The following UVRAG variants were observed in gnomAD, a reference collection of about 807,000 sequenced individuals.
The protein encoded by UVRAG is UV radiation resistance associated.
UVRAG carries 19 observed loss-of-function variants against 78.0 expected under a neutral mutation model. The ratio of observed to expected loss-of-function variants is 0.24; its 90% CI spans 0.17 to 0.36. The LOEUF is 0.36. Ranked by LOEUF, UVRAG falls within the 10% of genes least tolerant of loss-of-function variation. The pLI is 1.00. For missense variants in UVRAG, 740 were observed against 853.8 expected (o/e 0.87, Z 1.66); for synonymous variants, 323 against 324.6 (o/e 1.00, Z 0.05).
At chr11:75,836,507 C>T (rs1296703736) in intron 1 of UVRAG, among the ~76,000 whole-genome samples, 1 of 152,194 alleles carries the variant, frequency 6.6e-6, no homozygotes, top group Non-Finnish European at 1.5e-5. Context: ...CTTTGCATTT[C>T]AAACTTCCCA....
At chr11:75,916,961 G>C (rs1165057924) in intron 6 of UVRAG, among the ~76,000 whole-genome samples, 1 of 152,186 alleles carries the variant, frequency 6.6e-6, no homozygotes, top group Non-Finnish European at 1.5e-5. Flanking sequence ...TAGATTTTAT[G>C]ATAGTGATGT....
At position 76,087,781 on chromosome 11, in the gene UVRAG, A is replaced by G. The variant is rs1259072199; in HGVS notation, c.1305+21993A>G. 2.6e-5 allele frequency among the ~76,000 whole-genome samples: 4 copies of G among 152,344 alleles called. No homozygotes were observed. In the East Asian group the frequency reaches 5.8e-4, roughly 22 times the overall value. On this transcript the variant is annotated intron_variant, in intron 13 of 14. Transcript: ENST00000356136. ...AGTAAAGAGGTTTAGTAATTTACCC[A>G]TGGTTACTACAGCGGGCCTGATTGT... is the stretch of plus-strand genomic sequence containing the variant.
At chr11:75,908,831 G>A (rs1328863692) in intron 5 of UVRAG, among the ~76,000 whole-genome samples, 1 of 147,752 alleles carries the variant, frequency 6.8e-6, no homozygotes, top group Admixed American at 6.8e-5. Flanking sequence ...ATTTTTGGTA[G>A]TTTCTGTTTC....
chr11:76,098,136 A>C (rs960702835), intron 13 of UVRAG, among the ~76,000 whole-genome samples: 1 of 152,156 alleles, frequency 6.6e-6, no homozygotes, highest in Non-Finnish European at 1.5e-5. Flanking sequence ...AGCAACATAT[A>C]GTCTTAACTG....
At chr11:76,082,224 T>C (rs1395444840) in intron 13 of UVRAG, among the ~76,000 whole-genome samples, 1 of 152,126 alleles carries the variant, frequency 6.6e-6, no homozygotes. Flanking sequence ...TTTTTCTATA[T>C]GCATATTATA....
chr11:76,081,669 T>C (rs1368845165), intron 13 of UVRAG, among the ~76,000 whole-genome samples: 2 of 151,986 alleles, frequency 1.3e-5, no homozygotes, highest in African/African-American at 4.8e-5. Flanking sequence ...ATAAACCGGT[T>C]ACTCTTAAAT....
chr11:76,130,670 G>C (rs1952497348), intron 14 of UVRAG, among the ~76,000 whole-genome samples: 1 of 152,194 alleles, frequency 6.6e-6, no homozygotes, highest in Non-Finnish European at 1.5e-5. Context: ...AACCCTCACA[G>C]TTTGGTTCAG....
At chr11:75,893,453 A>G (rs1463431797) in intron 5 of UVRAG, among the ~76,000 whole-genome samples, 1 of 152,052 alleles carries the variant, frequency 6.6e-6, no homozygotes, top group Admixed American at 6.5e-5. Context: ...AACTTTAAGA[A>G]TAATCCTAAA....
intron 7 of UVRAG, among the ~76,000 whole-genome samples, chr11:75,980,358 G>A (rs1949365243): frequency 6.6e-6 from 1 of 152,174 alleles, no homozygotes; most frequent in South Asian, 2.1e-4. Flanking sequence ...TATGGATGGG[G>A]TTTCACTGTA....
intron 6 of UVRAG, among the ~76,000 whole-genome samples, chr11:75,939,220 G>A (rs1361403496): frequency 6.6e-6 from 1 of 151,916 alleles, no homozygotes. Flanking sequence ...GTATCTTCAG[G>A]GTAAAAAATG....
intron 12 of UVRAG, among the ~76,000 whole-genome samples, chr11:76,025,430 T>C (rs1950310545): frequency 6.6e-6 from 1 of 152,168 alleles, no homozygotes. Flanking sequence ...CCTTAAAAGA[T>C]GTCTGAAGTT....
intron 6 of UVRAG, among the ~76,000 whole-genome samples, chr11:75,944,427 C>T (rs1331650993): frequency 1.3e-5 from 2 of 152,134 alleles, no homozygotes; most frequent in African/African-American, 4.8e-5. Flanking sequence ...GATAGGTCGA[C>T]TGGTAACTAC....
chr11:75,998,427 A>G (rs1160221868), intron 8 of UVRAG, among the ~76,000 whole-genome samples: 2 of 152,258 alleles, frequency 1.3e-5, no homozygotes, highest in Non-Finnish European at 2.9e-5. Context: ...CTTTTAAAAA[A>G]TCAAATTAAT....
At chr11:75,918,649 T>A (rs1277989343) in intron 6 of UVRAG, among the ~76,000 whole-genome samples, 1 of 152,146 alleles carries the variant, frequency 6.6e-6, no homozygotes, top group East Asian at 1.9e-4. Context: ...ACCCCCAAAC[T>A]GAGAGCACCT....
At chr11:76,032,310 C>G (rs989221822) in intron 12 of UVRAG, among the ~76,000 whole-genome samples, 1 of 152,164 alleles carries the variant, frequency 6.6e-6, no homozygotes, top group Non-Finnish European at 1.5e-5. Context: ...TTTTATACCT[C>G]TCTTTTGGAT....
In UVRAG at chr11:75,853,774, T is replaced by C. The variant is rs533382296; in HGVS notation, c.235+1774T>C. 8.7e-3 allele frequency among the ~76,000 whole-genome samples: 1,317 copies of C among 152,150 alleles called. 28 individuals are homozygous for C. Among genetic ancestry groups the C allele is most frequent in the African/African-American group, 0.03 (1,253 of 41,496 alleles). ...TTTATTTATTTGTTTATTTATTTAT[T>C]TATTTATTTATTTTTTGAGGCAGAG... is the stretch of plus-strand genomic sequence containing the variant. On this transcript the variant is annotated intron_variant, in intron 2 of 14. Coordinates refer to ENST00000356136, the MANE Select transcript of UVRAG (RefSeq NM_003369.4).
intron 13 of UVRAG, among the ~76,000 whole-genome samples, chr11:76,098,863 A>G (rs1313926855): frequency 6.6e-6 from 1 of 152,136 alleles, no homozygotes; most frequent in Non-Finnish European, 1.5e-5. Context: ...TTTTCAAAGC[A>G]CCTTATGCAA....
intron 6 of UVRAG, among the ~76,000 whole-genome samples, chr11:75,924,073 C>CT (rs11397621): frequency 0.11 from 16,023 of 152,170 alleles, 1,620 homozygotes; most frequent in African/African-American, 0.27. Context: ...ATTTATATCT[C>CT]AGTTTACAAT....
intron 7 of UVRAG, among the ~76,000 whole-genome samples, chr11:75,972,563 C>G (rs1009551793): frequency 4.6e-5 from 7 of 152,036 alleles, no homozygotes; most frequent in African/African-American, 1.7e-4. Flanking sequence ...TATTCTTTGA[C>G]TGTATTTGTT....
Sources: allele counts gnomAD v4.1 joint callset (sites outside exome capture counted in the v4.1 genomes callset), GRCh38; gene constraint gnomAD v4.1.1; transcripts MANE v1.5; gene names NCBI Gene and HGNC (gene_info 2026-07-23, HGNC 2026-07-21).